MVB12B: variants seen among roughly 807,000 people sequenced by gnomAD.
The protein encoded by MVB12B is ESCRT-I complex subunit MVB12B.
MVB12B carries 16 observed loss-of-function variants against 41.6 expected under a neutral mutation model. That is an observed-to-expected ratio of 0.38 (90% CI 0.26 to 0.58). The LOEUF is 0.58. Among genes scored for constraint, MVB12B ranks in the 20% least tolerant of loss-of-function variants. The pLI, the probability that MVB12B is intolerant of heterozygous loss-of-function variation, is 0.62. For missense variants in MVB12B, 274 were observed against 380.2 expected (o/e 0.72, Z 2.32); for synonymous variants, 133 against 139.7 (o/e 0.95, Z 0.34).
chr9:126,428,209 A>C (rs1006394656), intron 7 of MVB12B, among the ~76,000 whole-genome samples: 1 of 152,212 alleles, frequency 6.6e-6, no homozygotes, highest in Non-Finnish European at 1.5e-5. Context: ...AGGAAAGCAC[A>C]AAGCAATTAA....
chr9:126,327,112 G>T (rs1338423401), intron 1 of MVB12B, 102 bp downstream of exon 1: 2 of 281,508 alleles, frequency 7.1e-6, no homozygotes, highest in South Asian at 1.2e-4. Context: ...GCGGGCGGAC[G>T]GGAGGAGCCG....
rs773804848 is a variant in MVB12B, at chr9:126,503,312, C to A, written c.*49C>A. The A allele has an allele frequency of 1.4e-6, 2 of 1,464,198 alleles. No individual in the cohort carries two copies. Among genetic ancestry groups the A allele is most frequent in the Non-Finnish European group, 1.9e-6 (2 of 1,072,332 alleles). 90.7% of individuals were successfully genotyped at this position (1,464,198 alleles called of 1,614,324 possible). A position where few individuals can be genotyped will look rare whatever the true frequency, so the allele number is the denominator to read the frequency against. ...AGACCACCGCCGCCCAGACTACTGA[C>A]GGCAGGGGCTGCTGCCCCCGCCTCC... is the stretch of plus-strand genomic sequence containing the variant. On this transcript the variant is annotated 3_prime_UTR_variant, in exon 10 of 10. Transcript: ENST00000361171.
At chr9:126,410,607 C>T (rs1038186732) in intron 6 of MVB12B, among the ~76,000 whole-genome samples, 13 of 152,138 alleles carry the variant, frequency 8.5e-5, no homozygotes, top group Non-Finnish European at 2.9e-5. Flanking sequence ...TCACGCGGGC[C>T]TCCCTGGAAA....
intron 6 of MVB12B, among the ~76,000 whole-genome samples, chr9:126,400,817 C>T (rs1458131081): frequency 6.6e-6 from 1 of 152,230 alleles, no homozygotes; most frequent in Non-Finnish European, 1.5e-5. Flanking sequence ...GTCCGGGGCC[C>T]TCCCTTGGTG....
intron 6 of MVB12B, among the ~76,000 whole-genome samples, chr9:126,406,715 T>C (rs975691107): frequency 2.0e-5 from 3 of 152,220 alleles, no homozygotes; most frequent in African/African-American, 7.2e-5. Flanking sequence ...TTCTTTTATA[T>C]GGGAGGTCGG....
At chr9:126,406,115 T>C (rs1167408259) in intron 6 of MVB12B, among the ~76,000 whole-genome samples, 1 of 151,780 alleles carries the variant, frequency 6.6e-6, no homozygotes, top group African/African-American at 2.4e-5. Context: ...AGACTGAAGC[T>C]TGGAGAGATC....
intron 1 of MVB12B, among the ~76,000 whole-genome samples, chr9:126,329,100 C>T (rs943364580): frequency 2.0e-5 from 3 of 152,012 alleles, no homozygotes; most frequent in African/African-American, 4.8e-5. Context: ...TAGTCTTCAA[C>T]GGGACAACCA....
Position 126,367,321 on chromosome 9 carries a change from G to T in MVB12B, c.205-13743G>T, listed in dbSNP as rs1830210407. Among the ~76,000 whole-genome samples, 1 of 152,102 alleles carries T rather than the reference G, an allele frequency of 6.6e-6. No individual in the cohort carries two copies. Among genetic ancestry groups the T allele is most frequent in the African/African-American group, 2.4e-5 (1 of 41,494 alleles). ...CTGCCCTGCAGCCTCCCAGGTTCCA[G>T]CTCCTCCCACCAGATCTCTGTGGTC... is the stretch of plus-strand genomic sequence containing the variant. On this transcript the variant is annotated intron_variant, in intron 2 of 9. Transcript: ENST00000361171. The surrounding 1 kb of genome is among the most constrained non-coding windows in gnomAD (Gnocchi z 4.3).
At chr9:126,491,712 C>T (rs1163157110) in intron 9 of MVB12B, among the ~76,000 whole-genome samples, 1 of 152,182 alleles carries the variant, frequency 6.6e-6, no homozygotes, top group East Asian at 1.9e-4. Context: ...ACAAAACTAT[C>T]ACCCAAATTC....
At chr9:126,445,357 A>G (rs540222979) in intron 7 of MVB12B, among the ~76,000 whole-genome samples, 1 of 152,284 alleles carries the variant, frequency 6.6e-6, no homozygotes, top group South Asian at 2.1e-4. Context: ...CCCAGGCTGG[A>G]GTACAGTGGT....
At chr9:126,466,608 G>A (rs1229511744) in intron 7 of MVB12B, among the ~76,000 whole-genome samples, 1 of 152,046 alleles carries the variant, frequency 6.6e-6, no homozygotes. Flanking sequence ...GAAGACTTCC[G>A]GCCCTGACAG....
chr9:126,463,245 C>T (rs1339508059), intron 7 of MVB12B, among the ~76,000 whole-genome samples: 2 of 152,078 alleles, frequency 1.3e-5, no homozygotes, highest in Admixed American at 6.5e-5. Context: ...CTCCAAGAGG[C>T]GTGAGTTCTA....
chr9:126,435,108 A>G (rs1435993372), intron 7 of MVB12B, among the ~76,000 whole-genome samples: 3 of 150,900 alleles, frequency 2.0e-5, no homozygotes, highest in Admixed American at 2.0e-4. Flanking sequence ...TTTGAATTAT[A>G]TTTTCTCTTC....
At chr9:126,377,416 G>C (rs992614051) in intron 2 of MVB12B, among the ~76,000 whole-genome samples, 10 of 152,308 alleles carry the variant, frequency 6.6e-5, no homozygotes, top group Admixed American at 1.3e-4. Context: ...AAAAGAGTAG[G>C]TGGCCTCAGT....
At chr9:126,403,736 A>C (rs16928974) in intron 6 of MVB12B, among the ~76,000 whole-genome samples, 3 of 152,080 alleles carry the variant, frequency 2.0e-5, no homozygotes, top group African/African-American at 7.2e-5. Flanking sequence ...TGGCCCCAAG[A>C]TGGTAAAGAA....
intron 7 of MVB12B, among the ~76,000 whole-genome samples, chr9:126,423,720 C>G (rs1832090127): frequency 6.6e-6 from 1 of 152,206 alleles, no homozygotes. Context: ...AAGCTCAGCA[C>G]TGGGCAACTA....
chr9:126,395,651 C>T lies in MVB12B; in HGVS notation c.616C>T (p.Pro206Ser), dbSNP rs992314382. Residue 206 changes from proline (P) to serine (S), a missense_variant, in exon 6 of 10, where the codon CCT becomes TCT. By Grantham distance (74) the Pro-to-Ser change is moderately conservative. Coordinates refer to ENST00000361171, the MANE Select transcript of MVB12B (RefSeq NM_033446.3). The surrounding 1 kb of genome is among the most constrained non-coding windows in gnomAD (Gnocchi z 4.9). ...RNHDSSQPTT[P>S]SQSSAASTPA... is the part of the protein sequence containing the mutation. ...TCATGACTCATCTCAACCCACAACG[C>T]CTTCCCAGTCATCAGCTGCCTCCAC... 2 of 1,614,062 alleles carry T rather than the reference C, an allele frequency of 1.2e-6. No individual in the cohort carries two copies. Among genetic ancestry groups the T allele is most frequent in the African/African-American group, 2.7e-5 (2 of 74,908 alleles).
intron 2 of MVB12B, among the ~76,000 whole-genome samples, chr9:126,372,771 C>T (rs949137421): frequency 6.6e-6 from 1 of 152,186 alleles, no homozygotes; most frequent in Non-Finnish European, 1.5e-5. Flanking sequence ...CGAATCTACC[C>T]AACTTCAGAA....
At chr9:126,361,801 C>A (rs897175684) in intron 2 of MVB12B, among the ~76,000 whole-genome samples, 1 of 151,268 alleles carries the variant, frequency 6.6e-6, no homozygotes, top group African/African-American at 2.4e-5. Flanking sequence ...GTAATCCCAG[C>A]AGCTCAGGAG....
Sources: allele counts gnomAD v4.1 joint callset (sites outside exome capture counted in the v4.1 genomes callset), GRCh38; gene constraint gnomAD v4.1.1; non-coding constraint Gnocchi (gnomAD v3.1); transcripts MANE v1.5; gene names NCBI Gene and HGNC (gene_info 2026-07-23, HGNC 2026-07-21).